NRG1: variants seen among roughly 807,000 people sequenced by gnomAD.
NRG1 encodes neuregulin 1, also known as pro-neuregulin-1, membrane-bound isoform.
Under a neutral mutation model 63.8 loss-of-function variants are expected in NRG1, and 18 were observed. The observed-to-expected ratio is 0.28, with a 90% CI of 0.19 to 0.42. The LOEUF is 0.42. Ranked by LOEUF, NRG1 falls within the 10% of genes least tolerant of loss-of-function variation. The pLI, the probability that NRG1 is intolerant of heterozygous loss-of-function variation, is 1.00. For missense variants in NRG1, 762 were observed against 814.7 expected, an observed-to-expected ratio of 0.94 and a Z score of 0.79; for synonymous variants, 302 against 301.3, an observed-to-expected ratio of 1.00 and a Z score of -0.02.
intron 5 of NRG1, among the ~76,000 whole-genome samples, chr8:32,671,882 GA>G (rs1421923076): frequency 2.0e-5 from 3 of 152,070 alleles, no homozygotes; most frequent in African/African-American, 7.2e-5. Context: ...CACTTTAAGT[GA>G]AAAGAAAAAG....
At chr8:32,748,677 G>T (rs1236647104) in intron 7 of NRG1, 1 of 456,200 alleles carries the variant, frequency 2.2e-6, no homozygotes, top group Admixed American at 2.3e-5. Context: ...GTGCATGGGA[G>T]TCCAGCATTC....
chr8:32,131,889 C>T (rs367741046), intron 1 of NRG1, among the ~76,000 whole-genome samples: 123 of 152,134 alleles, frequency 8.1e-4, no homozygotes, highest in Middle Eastern at 3.4e-3. Flanking sequence ...CTGCAGCCCT[C>T]TTATTAAAAA....
chr8:32,564,914 A>C (rs934120841), intron 1 of NRG1, among the ~76,000 whole-genome samples: 5 of 152,064 alleles, frequency 3.3e-5, no homozygotes, highest in Admixed American at 3.3e-4. Flanking sequence ...ACTACCAAAA[A>C]AAAAAGTTAG....
intron 1 of NRG1, among the ~76,000 whole-genome samples, chr8:31,968,729 GT>G (rs1207326568): frequency 6.6e-6 from 1 of 152,002 alleles, no homozygotes; most frequent in Non-Finnish European, 1.5e-5. Context: ...ATTTCTCATG[GT>G]TTTTTTCTAT....
At chr8:31,872,038 C>G (rs981364394) in intron 1 of NRG1, among the ~76,000 whole-genome samples, 1 of 152,122 alleles carries the variant, frequency 6.6e-6, no homozygotes, top group African/African-American at 2.4e-5. Context: ...TGCCCTTGGT[C>G]TCCCTTGACT....
chr8:32,028,431 C>T (rs1036621838), intron 1 of NRG1, among the ~76,000 whole-genome samples: 1 of 152,168 alleles, frequency 6.6e-6, no homozygotes, highest in Non-Finnish European at 1.5e-5. Flanking sequence ...TATTAAAGAA[C>T]TGAATGATGG....
chr8:31,793,484 A>G (rs1228254691), intron 1 of NRG1, among the ~76,000 whole-genome samples: 4 of 152,260 alleles, frequency 2.6e-5, no homozygotes, highest in Admixed American at 6.5e-5. Flanking sequence ...GGATGACTAC[A>G]TTCAAGATAA....
chr8:32,164,996 G>T (rs1839246832), intron 1 of NRG1, among the ~76,000 whole-genome samples: 1 of 152,082 alleles, frequency 6.6e-6, no homozygotes, highest in Middle Eastern at 3.2e-3. Flanking sequence ...TAAAATGAGA[G>T]GGTTTTGACA....
At chr8:31,706,803 C>T (rs1811195060) in intron 1 of NRG1, among the ~76,000 whole-genome samples, 1 of 152,096 alleles carries the variant, frequency 6.6e-6, no homozygotes, top group Admixed American at 6.5e-5. Context: ...AGTGAAGTAA[C>T]ATATTTTCAT....
chr8:31,843,607 A>C (rs1826399369), intron 1 of NRG1, among the ~76,000 whole-genome samples: 1 of 152,160 alleles, frequency 6.6e-6, no homozygotes, highest in Non-Finnish European at 1.5e-5. Flanking sequence ...GGGAGGGCTG[A>C]ACAACAGTTT....
At chr8:32,006,948 C>G (rs1813878059) in intron 1 of NRG1, among the ~76,000 whole-genome samples, 1 of 151,852 alleles carries the variant, frequency 6.6e-6, no homozygotes, top group South Asian at 2.1e-4. Flanking sequence ...TAGAGGCAGA[C>G]AATAAATATA....
chr8:32,168,486 C>G (rs753579136), intron 1 of NRG1, among the ~76,000 whole-genome samples: 4 of 152,168 alleles, frequency 2.6e-5, no homozygotes, highest in South Asian at 2.1e-4. Context: ...TTGTGGAAAT[C>G]TGGAGCTGGC....
At chr8:32,346,449 A>G (rs561209376) in intron 1 of NRG1, among the ~76,000 whole-genome samples, 7 of 151,840 alleles carry the variant, frequency 4.6e-5, no homozygotes, top group Non-Finnish European at 8.8e-5. Context: ...AACCATAAGC[A>G]TGCATATATA....
At chr8:31,720,115 G>A (rs976843012) in intron 1 of NRG1, among the ~76,000 whole-genome samples, 2 of 152,004 alleles carry the variant, frequency 1.3e-5, no homozygotes, top group Admixed American at 6.6e-5. Flanking sequence ...TTAATTTAAC[G>A]CTTGTTTGTA....
intron 1 of NRG1, among the ~76,000 whole-genome samples, chr8:32,493,285 C>T (rs916039922): frequency 6.6e-6 from 1 of 152,080 alleles, no homozygotes; most frequent in Non-Finnish European, 1.5e-5. Context: ...TCTGAGGCCC[C>T]TAAGAAGAAA....
intron 1 of NRG1, among the ~76,000 whole-genome samples, chr8:32,327,721 C>T (rs1438385371): frequency 2.0e-5 from 3 of 152,190 alleles, no homozygotes; most frequent in Non-Finnish European, 2.9e-5. Context: ...GAAAGACAGA[C>T]TTTAGATCAC....
chr8:32,217,205 C>A (rs1845324760), intron 1 of NRG1, among the ~76,000 whole-genome samples: 1 of 117,854 alleles, frequency 8.5e-6, no homozygotes, highest in African/African-American at 3.6e-5. Context: ...GAGAGTGAGA[C>A]CCTGTCTCAA....
chr8:31,858,294 G>A (rs188658354), intron 1 of NRG1, among the ~76,000 whole-genome samples: 1,512 of 148,598 alleles, frequency 0.01, 10 homozygotes, highest in Non-Finnish European at 0.013. Context: ...GTGAGACTCC[G>A]TCTCAAAAAA....
intron 1 of NRG1, among the ~76,000 whole-genome samples, chr8:31,858,602 A>C (rs1207526193): frequency 6.6e-6 from 1 of 152,168 alleles, no homozygotes; most frequent in Non-Finnish European, 1.5e-5. Flanking sequence ...CCAAAGCCAA[A>C]CTTACACCAA....
Sources: allele counts gnomAD v4.1 joint callset (sites outside exome capture counted in the v4.1 genomes callset), GRCh38; gene constraint gnomAD v4.1.1; transcripts MANE v1.5; gene names NCBI Gene and HGNC (gene_info 2026-07-23, HGNC 2026-07-21).